Variants in ST6GAL1 observed in about 807,000 individuals in gnomAD.
ST6GAL1 encodes the protein ST6 beta-galactoside alpha-2,6-sialyltransferase 1.
A neutral mutation model predicts 38.0 loss-of-function variants in ST6GAL1; 20 were observed. The ratio of observed to expected loss-of-function variants is 0.53; its 90% CI spans 0.37 to 0.77. ST6GAL1 has a LOEUF of 0.77. Ranked by LOEUF, ST6GAL1 falls within the 30% of genes least tolerant of loss-of-function variation. The pLI is 0.00. For synonymous variants in ST6GAL1, 196 were observed against 188.2 expected (o/e 1.04, Z -0.34); for missense variants, 432 against 496.4 (o/e 0.87, Z 1.23).
At chr3:187,074,585 G>A (rs1237490206) in intron 7 of ST6GAL1, among the ~76,000 whole-genome samples, 1 of 152,164 alleles carries the variant, frequency 6.6e-6, no homozygotes, top group Non-Finnish European at 1.5e-5. Context: ...GTGCCAGAAG[G>A]GAGAGACAAC....
At position 187,069,875 on chromosome 3, in the gene ST6GAL1, A is replaced by G. The variant is rs900068531; in HGVS notation, c.706-2974A>G. ...CACATCCCCCCACACTAGCTTAACA[A>G]AACAAAAAATGCATTTCTCTCTCAT... On this transcript the variant is annotated intron_variant, in intron 5 of 7. Coordinates refer to ENST00000169298, the MANE Select transcript of ST6GAL1 (RefSeq NM_173216.2). Among the ~76,000 whole-genome samples, 6 of 152,316 alleles carry G rather than the reference A, an allele frequency of 3.9e-5. No individual in the cohort carries two copies. The East Asian group carries it at 1.2e-3, about 29-fold the overall frequency.
At chr3:186,935,184 G>A (rs150493015) in intron 1 of ST6GAL1, among the ~76,000 whole-genome samples, 9 of 151,834 alleles carry the variant, frequency 5.9e-5, no homozygotes, top group African/African-American at 2.2e-4. Context: ...GAAGGCCCTG[G>A]TGTCTGTCGT....
At chr3:186,974,738 G>A (rs540924456) in intron 2 of ST6GAL1, among the ~76,000 whole-genome samples, 11 of 147,200 alleles carry the variant, frequency 7.5e-5, no homozygotes, top group African/African-American at 2.5e-4. Flanking sequence ...GGGGGGGGGC[G>A]CCCACAGCAG....
In ST6GAL1 at chr3:187,076,974, C is replaced by CTCTTT. The variant is rs1719584386; in HGVS notation, c.*1172_*1173insCTTTT. 2.9e-6 allele frequency: 1 copy of CTCTTT among 345,068 alleles called. No homozygotes were observed. The highest frequency in any genetic ancestry group is 4.8e-5 in the African/African-American group (1 of 20,926). 21.4% of individuals were successfully genotyped at this position (345,068 alleles called of 1,614,324 possible). A position where few individuals can be genotyped will look rare whatever the true frequency, so the allele number is the denominator to read the frequency against. On this transcript the variant is annotated 3_prime_UTR_variant, in exon 8 of 8. Coordinates refer to ENST00000169298, the MANE Select transcript of ST6GAL1 (RefSeq NM_173216.2). ...CCCCAAATCTTCTCCTAACCACCAT[C>CTCTTT]TGTTTTTTTTTTTTAAAGCATTTTT... is the stretch of plus-strand genomic sequence containing the variant.
chr3:186,932,353 A>G (rs1429022122), intron 1 of ST6GAL1, among the ~76,000 whole-genome samples: 5 of 152,216 alleles, frequency 3.3e-5, no homozygotes, highest in African/African-American at 4.8e-5. Context: ...GGGCAACTAA[A>G]GGCAAAACCG....
intron 2 of ST6GAL1, among the ~76,000 whole-genome samples, chr3:187,009,354 T>A (rs1178234625): frequency 6.6e-6 from 1 of 152,216 alleles, no homozygotes; most frequent in Non-Finnish European, 1.5e-5. Context: ...TACTTAGGGA[T>A]AGGTGGCTAT....
chr3:187,021,966 T>G (rs539786624), intron 2 of ST6GAL1: 1 of 152,192 alleles, frequency 6.6e-6, no homozygotes, highest in African/African-American at 2.4e-5. Flanking sequence ...TCTCTTCATC[T>G]GTATCCTCTG....
intron 2 of ST6GAL1, among the ~76,000 whole-genome samples, chr3:187,004,214 T>C (rs1222396503): frequency 6.6e-6 from 1 of 152,260 alleles, no homozygotes; most frequent in Non-Finnish European, 1.5e-5. Flanking sequence ...CCCCGGCAAG[T>C]GAGCAGATGC....
intron 5 of ST6GAL1, among the ~76,000 whole-genome samples, chr3:187,053,905 A>G (rs1215872166): frequency 6.6e-6 from 1 of 152,118 alleles, no homozygotes; most frequent in East Asian, 1.9e-4. Context: ...GGCCCTTTCC[A>G]CAGTATTGAT....
intron 2 of ST6GAL1, among the ~76,000 whole-genome samples, chr3:186,990,767 C>T (rs752562452): frequency 3.3e-5 from 5 of 150,904 alleles, no homozygotes; most frequent in Non-Finnish European, 7.4e-5. Flanking sequence ...GAGCCGAGAT[C>T]GTACCATTGC....
chr3:187,009,690 A>ATT (rs1299931649), intron 2 of ST6GAL1, among the ~76,000 whole-genome samples: 3 of 152,118 alleles, frequency 2.0e-5, no homozygotes, highest in African/African-American at 7.2e-5. Flanking sequence ...ATGTTTATGA[A>ATT]TTTATTTTTA....
chr3:186,963,757 TTTG>T (rs1715006890), intron 1 of ST6GAL1, 25 bp from the exon 2 acceptor site: 1 of 152,236 alleles, frequency 6.6e-6, no homozygotes, highest in Non-Finnish European at 1.5e-5. Flanking sequence ...GAAACTTTGC[TTTG>T]TTGTTGTTTT....
intron 2 of ST6GAL1, among the ~76,000 whole-genome samples, chr3:187,032,285 T>C (rs1266933195): frequency 3.3e-5 from 5 of 152,158 alleles, no homozygotes; most frequent in African/African-American, 1.2e-4. Context: ...TTCTGTTGTC[T>C]GTGGGCTGTA....
intron 2 of ST6GAL1, among the ~76,000 whole-genome samples, chr3:187,036,060 C>CA (rs989664188): frequency 1.3e-5 from 2 of 151,854 alleles, no homozygotes; most frequent in African/African-American, 4.8e-5. Flanking sequence ...ATTGAACAAG[C>CA]AAAAAACAAA....
At chr3:186,949,468 C>T (rs745653421) in intron 1 of ST6GAL1, among the ~76,000 whole-genome samples, 1 of 152,140 alleles carries the variant, frequency 6.6e-6, no homozygotes, top group African/African-American at 2.4e-5. Context: ...GTGACGGCTC[C>T]TTTTTTGCTT....
intron 2 of ST6GAL1, among the ~76,000 whole-genome samples, chr3:186,998,696 TTACTTTCTCATGTAATCAA>T (rs1716504253): frequency 6.6e-6 from 1 of 152,240 alleles, no homozygotes; most frequent in South Asian, 2.1e-4. Flanking sequence ...CAAAATACTC[TTACTTTCTCATGTAATCAA>T]TATAAAATTA....
intron 5 of ST6GAL1, among the ~76,000 whole-genome samples, chr3:187,067,782 G>C (rs1305671294): frequency 3.9e-5 from 6 of 152,110 alleles, no homozygotes; most frequent in Admixed American, 6.5e-5. Context: ...CTGCCTCTGG[G>C]CTCTGGTTCT....
At chr3:187,025,341 C>T (rs1217543370) in intron 2 of ST6GAL1, 5 of 152,126 alleles carry the variant, frequency 3.3e-5, no homozygotes, top group Non-Finnish European at 7.3e-5. Context: ...GGCCCGTTTT[C>T]TTCTTTGTCT....
intron 2 of ST6GAL1, among the ~76,000 whole-genome samples, chr3:186,974,319 G>A (rs1715450772): frequency 6.6e-6 from 1 of 152,150 alleles, no homozygotes; most frequent in Admixed American, 6.5e-5. Flanking sequence ...AACCGACTGA[G>A]CTTGGATCCC....
Sources: allele counts gnomAD v4.1 joint callset (sites outside exome capture counted in the v4.1 genomes callset), GRCh38; gene constraint gnomAD v4.1.1; transcripts MANE v1.5; gene names NCBI Gene and HGNC (gene_info 2026-07-23, HGNC 2026-07-21).